The following ITGA9 variants were observed in gnomAD, a reference collection of about 807,000 sequenced individuals.
ITGA9 encodes integrin alpha-9.
ITGA9 carries 56 observed loss-of-function variants against 127.8 expected under a neutral mutation model. The ratio of observed to expected loss-of-function variants is 0.44; its 90% confidence interval spans 0.35 to 0.55. The LOEUF is 0.55. ITGA9 is among the 20% of genes least tolerant of loss of function. ITGA9 has a pLI of 0.00. For synonymous variants in ITGA9, 508 were observed against 514.5 expected (o/e 0.99, Z 0.17); for missense variants, 1,196 against 1,347.1 (o/e 0.89, Z 1.76).
At chr3:37,561,994 T>C (rs1462092710) in intron 15 of ITGA9, among the ~76,000 whole-genome samples, 1 of 152,230 alleles carries the variant, frequency 6.6e-6, no homozygotes, top group Non-Finnish European at 1.5e-5. Context: ...CCCACCTGTA[T>C]AGAATGCCTG....
At chr3:37,485,395 G>A (rs1698598945) in intron 4 of ITGA9, among the ~76,000 whole-genome samples, 1 of 152,010 alleles carries the variant, frequency 6.6e-6, no homozygotes, top group South Asian at 2.1e-4. Flanking sequence ...GGGGCTGTGG[G>A]TTGAGGACGG....
chr3:37,540,170 C>T (rs892328614), intron 14 of ITGA9, among the ~76,000 whole-genome samples: 1 of 152,290 alleles, frequency 6.6e-6, no homozygotes, highest in South Asian at 2.1e-4. Flanking sequence ...AGTCCAGTCT[C>T]GCTGTTCTCT....
At chr3:37,511,186 T>TA (rs912539581) in intron 8 of ITGA9, among the ~76,000 whole-genome samples, 3 of 152,090 alleles carry the variant, frequency 2.0e-5, no homozygotes, top group African/African-American at 7.2e-5. Context: ...GCAAAAAGAT[T>TA]AAAAAAACAA....
intron 3 of ITGA9, among the ~76,000 whole-genome samples, chr3:37,480,064 G>T (rs1698536237): frequency 6.6e-6 from 1 of 152,166 alleles, no homozygotes; most frequent in Non-Finnish European, 1.5e-5. Flanking sequence ...GATATCAGAA[G>T]TGAGTAGTGA....
At chr3:37,600,530 G>A (rs533934061) in intron 15 of ITGA9, among the ~76,000 whole-genome samples, 10 of 152,280 alleles carry the variant, frequency 6.6e-5, no homozygotes, top group South Asian at 6.2e-4. Flanking sequence ...CAGGGCCCGC[G>A]GTAGAGAACA....
intron 15 of ITGA9, among the ~76,000 whole-genome samples, chr3:37,591,696 C>T (rs1699820634): frequency 1.3e-5 from 2 of 152,242 alleles, no homozygotes; most frequent in East Asian, 3.8e-4. Flanking sequence ...CTGAGCCTCA[C>T]TGCTTGAGCC....
intron 15 of ITGA9, among the ~76,000 whole-genome samples, chr3:37,547,015 TTCTGAG>T (rs1409097534): frequency 7.2e-5 from 11 of 152,042 alleles, no homozygotes; most frequent in Non-Finnish European, 1.6e-4. Flanking sequence ...ATGGCAACAG[TTCTGAG>T]TCTGATGCAG....
intron 23 of ITGA9, among the ~76,000 whole-genome samples, chr3:37,768,605 G>C (rs1369606244): frequency 6.6e-6 from 1 of 152,118 alleles, no homozygotes; most frequent in Non-Finnish European, 1.5e-5. Context: ...CCCGGTTGCC[G>C]TCAGCTGCGA....
chr3:37,688,867 ACTGGCTGGG>A (rs1195248226), intron 18 of ITGA9, among the ~76,000 whole-genome samples: 72 of 151,748 alleles, frequency 4.7e-4, no homozygotes, highest in Non-Finnish European at 9.6e-4. Context: ...TAGGTAGATG[ACTGGCTGGG>A]TGACTGGGTG....
intron 26 of ITGA9, chr3:37,789,790 A>AG: frequency 3.9e-6 from 1 of 253,834 alleles, no homozygotes; most frequent in South Asian, 4.4e-5. Context: ...AAAAAAAAAA[A>AG]AAAAGACTAT....
intron 5 of ITGA9, among the ~76,000 whole-genome samples, chr3:37,497,050 C>G (rs1430032594): frequency 6.6e-6 from 1 of 152,140 alleles, no homozygotes; most frequent in African/African-American, 2.4e-5. Flanking sequence ...TGTCACTTTC[C>G]CTGATTATTA....
At chr3:37,747,767 T>G (rs1460978057) in intron 22 of ITGA9, among the ~76,000 whole-genome samples, 1 of 151,262 alleles carries the variant, frequency 6.6e-6, no homozygotes, top group Non-Finnish European at 1.5e-5. Flanking sequence ...TCACTGTCAC[T>G]CAGGCTGCTG....
intron 16 of ITGA9, among the ~76,000 whole-genome samples, chr3:37,633,723 G>A (rs917492738): frequency 2.5e-4 from 38 of 152,250 alleles, no homozygotes; most frequent in African/African-American, 8.4e-4. Context: ...ATTAACACTC[G>A]TTGATGGCTT....
chr3:37,694,517 T>C (rs1445675210), intron 18 of ITGA9, among the ~76,000 whole-genome samples: 2 of 152,248 alleles, frequency 1.3e-5, no homozygotes, highest in Admixed American at 6.5e-5. Context: ...GGGCTCAGCT[T>C]TCACGTATAT....
intron 22 of ITGA9, among the ~76,000 whole-genome samples, chr3:37,746,256 A>T (rs959925655): frequency 6.6e-6 from 1 of 152,236 alleles, no homozygotes; most frequent in African/African-American, 2.4e-5. Flanking sequence ...CTATGCTTTT[A>T]AAAATCGGTT....
Position 37,756,055 on chromosome 3 carries a change from G to T in ITGA9, c.2541+5486G>T, listed in dbSNP as rs78153147. Among the ~76,000 whole-genome samples the T allele has an allele frequency of 9.6e-4, 146 of 151,462 alleles. 1 individual carries two copies. In the East Asian group the frequency reaches 0.026, roughly 27 times the overall value. ...TCAATAATCAAAATAATAATTAATG[G>T]ATTAAATGCCCTAAAGACACTCTCA... On this transcript the variant is annotated intron_variant, in intron 23 of 27. Coordinates refer to ENST00000264741, the MANE Select transcript of ITGA9 (RefSeq NM_002207.3).
At chr3:37,646,385 G>T (rs1700376878) in intron 16 of ITGA9, among the ~76,000 whole-genome samples, 1 of 152,310 alleles carries the variant, frequency 6.6e-6, no homozygotes, top group East Asian at 1.9e-4. Flanking sequence ...AGAAGCTGGA[G>T]AAAATATTTT....
rs1324610995 is a variant in ITGA9, at chr3:37,741,786, C to T, written c.2291C>T (p.Pro764Leu). The change falls in exon 21 of 28, where the codon CCA becomes CTA. Residue 764 changes from proline (P) to leucine (L), a missense_variant. Physicochemically the swap from Pro to Leu is moderately conservative, Grantham distance 98. Coordinates refer to ENST00000264741, the MANE Select transcript of ITGA9 (RefSeq NM_002207.3). ...GACAACACCCTCGTGCTGATGGTGC[C>T]ACTGATGCACGAGGTGGACACGTCC... ...LHDNTLVLMVPLMHEVDTSIT... is the reference protein window; with the variant it reads ...LHDNTLVLMVLLMHEVDTSIT... 1.2e-6 allele frequency: 2 copies of T among 1,613,708 alleles called. No individual in the cohort carries two copies. Among genetic ancestry groups the T allele is most frequent in the East Asian group, 4.5e-5 (2 of 44,848 alleles).
rs760937276 is a variant in ITGA9, at chr3:37,629,233, A to G, written c.1736A>G (p.Tyr579Cys). The change falls in exon 16 of 28, where the codon TAC becomes TGC. Residue 579 changes from tyrosine (Y) to cysteine (C), a missense_variant. Tyr to Cys is a radical substitution (Grantham distance 194). Coordinates refer to ENST00000264741, the MANE Select transcript of ITGA9 (RefSeq NM_002207.3). The surrounding 1 kb of genome is among the most constrained non-coding windows in gnomAD (Gnocchi z 4.5). ...AGCCCGATCGTGTTTGAAGCAGCCT[A>G]CAGCCTCAGTGAGCATGTGACTGGA... ...VISPIVFEAA[Y>C]SLSEHVTGEE... is the part of the protein sequence containing the mutation. 2.5e-6 allele frequency: 4 copies of G among 1,613,632 alleles called. No homozygotes were observed. The highest frequency in any genetic ancestry group is 1.3e-5 in the African/African-American group (1 of 74,896).
Sources: gnomAD v4.1 joint callset for allele counts (sites outside exome capture counted in the v4.1 genomes callset) on GRCh38, gnomAD v4.1.1 for gene constraint, Gnocchi (gnomAD v3.1) non-coding constraint, MANE v1.5 for transcripts, NCBI Gene and HGNC (gene_info 2026-07-23, HGNC 2026-07-21) for gene names.